WAS: variants seen among roughly 807,000 people sequenced by gnomAD.
The protein encoded by WAS is actin nucleation-promoting factor WAS.
In WAS, 1 loss-of-function variant was observed where a neutral mutation model predicts 38.9. The ratio of observed to expected loss-of-function variants is 0.03; its 90% CI spans 0.01 to 0.12. The LOEUF (loss-of-function observed/expected upper bound fraction) is 0.12. Among genes scored for constraint, WAS ranks in the 10% least tolerant of loss-of-function variants. WAS has a pLI of 1.00. For missense variants in WAS, 311 were observed against 431.2 expected (o/e 0.72, Z 2.47); for synonymous variants, 182 against 173.6 (o/e 1.05, Z -0.38).
At position 48,683,899 on chromosome X, in the gene WAS, C is replaced by T; in HGVS notation, c.46C>T (p.Pro16Ser). Residue 16 changes from proline to serine, a missense_variant, in exon 1 of 12, where the codon CCA becomes TCA. Pro to Ser is a moderately conservative substitution (Grantham distance 74, BLOSUM62 -1). Around this residue, in one of 4 missense-constraint regions of WAS, gnomAD observed 64 missense variants for 122.5 expected, o/e 0.52. Coordinates refer to ENST00000376701, the MANE Select transcript of WAS (RefSeq NM_000377.3). ...MGGRPGGRGA[P>S]AVQQNIPSTL... ...AGGAAGGCCCGGGGGCCGAGGAGCA[C>T]CAGCGGTTCAGCAGAACATACCCTC... 8.3e-7 allele frequency: 1 copy of T among 1,211,775 alleles called. No individual in the cohort carries two copies. The highest frequency in any genetic ancestry group is 1.1e-6 in the Non-Finnish European group (1 of 895,468).
rs200571645 is a variant in WAS, at chrX:48,683,823, C to T, written c.-31C>T. On this transcript the variant is annotated 5_prime_UTR_variant, in exon 1 of 12. Transcript: ENST00000376701. ...CCTCTTCTTACCCTGCACCCAGAGC[C>T]TCGCCAGAGAAGACAAGGGCAGAAA... 3.9e-5 allele frequency: 47 copies of T among 1,206,958 alleles called. No individual in the cohort carries two copies. The highest frequency in any genetic ancestry group is 2.3e-4 in the Middle Eastern group (1 of 4,355).
chrX:48,690,840 A>T lies in WAS; in HGVS notation c.1454-267A>T, dbSNP rs139577358. 9.0e-3 allele frequency among the ~76,000 whole-genome samples: 1,009 copies of T among 112,166 alleles called. 7 individuals carry two copies. The highest frequency in any genetic ancestry group is 0.037 in the Middle Eastern group (8 of 219). ...TATCACACCTTTGCTAATATTATTT[A>T]AATTCACCCTATTATGTGATAAATA... is the stretch of plus-strand genomic sequence containing the variant. On this transcript the variant is annotated intron_variant, in intron 11 of 11. Transcript: ENST00000376701.
At chrX:48,684,127 T>C in intron 1 of WAS, 142 bp downstream of exon 1, 1 of 1,083,499 alleles carries the variant, frequency 9.2e-7, no homozygotes, top group Non-Finnish European at 1.3e-6. Flanking sequence ...TAATCCACCC[T>C]TCCCAGGAAG....
upstream of WAS, among the ~76,000 whole-genome samples, chrX:48,681,459 G>A (rs1053559744): frequency 3.6e-5 from 4 of 112,443 alleles, no homozygotes; most frequent in East Asian, 2.8e-4. Flanking sequence ...GTAAGCCACC[G>A]CACCCGGCCA....
intron 1 of WAS, among the ~76,000 whole-genome samples, chrX:48,677,136 G>A (rs978707784): frequency 8.9e-6 from 1 of 111,740 alleles, no homozygotes; most frequent in Non-Finnish European, 1.9e-5. Flanking sequence ...CAGGTGCGGG[G>A]AGTAGGGCGG....
chrX:48,683,476 C>T, upstream of WAS: 1 of 158,585 alleles, frequency 6.3e-6, no homozygotes, highest in Non-Finnish European at 1.2e-5. Flanking sequence ...AAGGAGGCCA[C>T]CCAGGCCCAT....
rs1557007236 is a variant in WAS at position 48,688,867 on chromosome X, C to G, written c.1139C>G (p.Pro380Arg). The G allele has an allele frequency of 8.6e-7, 1 of 1,164,741 alleles. No individual in the cohort carries two copies. Among genetic ancestry groups the G allele is most frequent in the South Asian group, 1.9e-5 (1 of 51,831 alleles). Reference sequence around the variant, plus strand: ...CCTCCAGCTACTGGACGTTCTGGACCACTGCCCCCTCCACCCCCTGGAGCT... The same window carrying G: ...CCTCCAGCTACTGGACGTTCTGGACGACTGCCCCCTCCACCCCCTGGAGCT... ...PPPPATGRSG[P>R]LPPPPPGAGG... Residue 380 changes from proline to arginine, a missense_variant, in exon 10 of 12, where the codon CCA (proline) becomes CGA (arginine). This residue lies in a region of WAS where 142 missense variants were observed against 157.6 expected (regional missense o/e 0.90). Coordinates refer to ENST00000376701, the MANE Select transcript of WAS (RefSeq NM_000377.3).
intron 6 of WAS, among the ~76,000 whole-genome samples, 176 bp downstream of exon 6, chrX:48,686,310 A>G (rs1047333445): frequency 9.0e-6 from 1 of 111,520 alleles, no homozygotes; most frequent in African/African-American, 3.3e-5. Context: ...TTGGCGGTAG[A>G]TGGCTGAGTA....
chrX:48,681,781 G>A (rs1285074823), upstream of WAS, among the ~76,000 whole-genome samples: 4 of 111,800 alleles, frequency 3.6e-5, no homozygotes, highest in African/African-American at 1.3e-4. Flanking sequence ...ACGGGAGGGA[G>A]GTTGGAACTG....
intron 3 of WAS, 31 bp downstream of exon 3, chrX:48,685,664 T>C (rs187071749): frequency 5.3e-5 from 62 of 1,174,649 alleles, no homozygotes; most frequent in Non-Finnish European, 6.7e-5. Flanking sequence ...CGGGCCTCAC[T>C]TGGGGTGTGG....
chrX:48,680,539 C>T (rs2062398684), upstream of WAS, among the ~76,000 whole-genome samples: 1 of 111,564 alleles, frequency 9.0e-6, no homozygotes, highest in Non-Finnish European at 1.9e-5. Context: ...AAAACCAAGA[C>T]AGCAATGAAA....
chrX:48,688,913 ACCACCGCCACCACCG>A lies in WAS; in HGVS notation c.1194_1208del (p.Pro400_Pro404del). 1 of 1,112,279 alleles carries A rather than the reference ACCACCGCCACCACCG, an allele frequency of 9.0e-7. No individual in the cohort carries two copies. The highest frequency in any genetic ancestry group is 1.2e-6 in the Non-Finnish European group (1 of 845,390). The allele number at this position is 1,112,279 out of a possible 1,213,427, so 91.7% of individuals were successfully genotyped here. On this transcript the variant is annotated inframe_deletion, in exon 10 of 12. Transcript: ENST00000376701. ...GAGCTGGTGGGCCACCCATGCCACC[ACCACCGCCACCACCG>A]CCACCGCCGCCCAGCTCCGGGAATG...
At chrX:48,683,700 G>C (rs2062409455), upstream of WAS, 4 of 822,073 alleles carry the variant, frequency 4.9e-6, no homozygotes, top group Non-Finnish European at 6.7e-6. Flanking sequence ...AGCCTAACGA[G>C]GAGGCCAGGC....
chrX:48,689,153 C>G, intron 10 of WAS, 87 bp downstream of exon 10: 1 of 1,043,911 alleles, frequency 9.6e-7, no homozygotes, highest in Non-Finnish European at 1.3e-6. Flanking sequence ...GAGGCCAGGA[C>G]TGAGGAGAGT....
Position 48,689,418 on chromosome X carries a change from A to T in WAS, c.1437A>T (p.Arg479Ser). The change falls in exon 11 of 12, where the codon AGA (arginine) becomes AGT (serine). Residue 479 changes from arginine (R) to serine (S), a missense_variant. Arg to Ser is a moderately radical substitution (Grantham distance 110). This residue lies in a region of WAS where 142 missense variants were observed against 157.6 expected (regional missense o/e 0.90). Transcript: ENST00000376701. ...ALMHVMQKRS[R>S]AIHSSDEGED... Reference sequence around the variant, plus strand: ...TGCACGTGATGCAGAAGAGAAGCAGAGCCATCCACTCCTCCGGTGAGCTGA... The same window carrying T: ...TGCACGTGATGCAGAAGAGAAGCAGTGCCATCCACTCCTCCGGTGAGCTGA... The T allele has an allele frequency of 8.3e-7, 1 of 1,207,820 alleles. No individual in the cohort carries two copies. Among genetic ancestry groups the T allele is most frequent in the Non-Finnish European group, 1.1e-6 (1 of 893,838 alleles).
intron 1 of WAS, chrX:48,676,756 C>T (rs1227350927): frequency 1.8e-5 from 2 of 112,635 alleles, no homozygotes; most frequent in African/African-American, 6.4e-5. Flanking sequence ...ACGGTGCGCC[C>T]GGGTTGGCCG....
chrX:48,686,845 G>A lies in WAS; in HGVS notation c.624G>A (p.Thr208=), dbSNP rs2147264874. 3 of 1,211,962 alleles carry A rather than the reference G, an allele frequency of 2.5e-6. No homozygotes were observed. Among genetic ancestry groups the A allele is most frequent in the African/African-American group, 1.7e-5 (1 of 57,863 alleles). Residue 208 remains threonine (T), a synonymous_variant, in exon 7 of 12, where the codon ACG becomes ACA. Transcript: ENST00000376701. ...TGGACATCCAGAACCCTGACATCAC[G>A]AGTTCACGATACCGTGGGCTCCCAG... ...ATVDIQNPDI[T]SSRYRGLPAP... is the part of the protein sequence containing the mutation.
At chrX:48,683,275 G>T (rs2062407560), upstream of WAS, 1 of 111,643 alleles carries the variant, frequency 9.0e-6, no homozygotes, top group Non-Finnish European at 1.9e-5. Context: ...TAGTGGAAAT[G>T]GGGTTTTGCC....
At chrX:48,689,636 G>A (rs782285538) in intron 11 of WAS, 23 of 447,552 alleles carry the variant, frequency 5.1e-5, no homozygotes, top group Non-Finnish European at 7.9e-5. Context: ...AACTTTGACA[G>A]TAATATTAAC....
Sources: allele counts gnomAD v4.1 joint callset (sites outside exome capture counted in the v4.1 genomes callset), GRCh38; gene constraint gnomAD v4.1.1; regional missense constraint gnomAD v4.1.1; transcripts MANE v1.5; gene names NCBI Gene and HGNC (gene_info 2026-07-23, HGNC 2026-07-21).